Variants in DNER observed in about 807,000 individuals in gnomAD.
DNER encodes delta and Notch-like epidermal growth factor-related receptor.
In DNER, 33 loss-of-function variants were observed where a neutral mutation model predicts 78.2. The observed-to-expected ratio is 0.42, with a 90% CI of 0.32 to 0.56. DNER has a LOEUF of 0.56. Ranked by LOEUF, DNER falls within the 20% of genes least tolerant of loss-of-function variation. DNER has a pLI of 0.11. For synonymous variants in DNER, 417 were observed against 384.8 expected, an observed-to-expected ratio of 1.08 and a Z score of -0.98; for missense variants, 918 against 975.3, an observed-to-expected ratio of 0.94 and a Z score of 0.78.
chr2:229,612,243 C>T (rs1009154074), intron 1 of DNER, among the ~76,000 whole-genome samples: 7 of 152,126 alleles, frequency 4.6e-5, no homozygotes, highest in Admixed American at 1.3e-4. Flanking sequence ...AAACTCTGAT[C>T]GGTGGAATTG....
chr2:229,563,649 C>A (rs548666442), intron 4 of DNER, among the ~76,000 whole-genome samples: 2 of 149,058 alleles, frequency 1.3e-5, no homozygotes, highest in Non-Finnish European at 3.0e-5. Flanking sequence ...TCAACATCAT[C>A]ATCACCCCAT....
intron 6 of DNER, among the ~76,000 whole-genome samples, chr2:229,510,309 C>A (rs1032439794): frequency 6.6e-6 from 1 of 152,162 alleles, no homozygotes; most frequent in Non-Finnish European, 1.5e-5. Flanking sequence ...AATCTCACTG[C>A]GAAGGGATGC....
At chr2:229,471,922 G>A (rs1040837888) in intron 7 of DNER, among the ~76,000 whole-genome samples, 4 of 152,280 alleles carry the variant, frequency 2.6e-5, no homozygotes, top group African/African-American at 7.2e-5. Context: ...CTACAGCCTC[G>A]TCACGGGGCC....
chr2:229,630,718 G>T (rs1340080407), intron 1 of DNER, among the ~76,000 whole-genome samples: 2 of 151,982 alleles, frequency 1.3e-5, no homozygotes, highest in Admixed American at 1.3e-4. Context: ...GAGGTTTGGG[G>T]TATGATTGAT....
chr2:229,495,038 T>C (rs1183299513), intron 6 of DNER, among the ~76,000 whole-genome samples: 1 of 152,216 alleles, frequency 6.6e-6, no homozygotes, highest in Non-Finnish European at 1.5e-5. Context: ...AACTTTCTCA[T>C]TTTTTTGCAA....
At chr2:229,608,599 T>A (rs1270208028) in intron 1 of DNER, among the ~76,000 whole-genome samples, 1 of 152,058 alleles carries the variant, frequency 6.6e-6, no homozygotes, top group Non-Finnish European at 1.5e-5. Flanking sequence ...AAAAAGCAAG[T>A]TGTGAAAGGA....
intron 5 of DNER, among the ~76,000 whole-genome samples, chr2:229,536,778 A>G (rs1467640950): frequency 2.0e-5 from 3 of 152,214 alleles, no homozygotes; most frequent in African/African-American, 7.2e-5. Flanking sequence ...TCCTCTTTGT[A>G]AAGACTTAAA....
At chr2:229,444,425 C>T (rs1359715910) in intron 8 of DNER, among the ~76,000 whole-genome samples, 1 of 152,138 alleles carries the variant, frequency 6.6e-6, no homozygotes, top group Non-Finnish European at 1.5e-5. Flanking sequence ...TAGAGAGGTC[C>T]TTTCTACCAC....
intron 6 of DNER, among the ~76,000 whole-genome samples, chr2:229,508,204 T>G (rs1369664855): frequency 6.6e-6 from 1 of 152,230 alleles, no homozygotes; most frequent in Non-Finnish European, 1.5e-5. Context: ...ACAAACTCAC[T>G]TGTATACTGC....
At chr2:229,697,443 CT>C (rs1174023597) in intron 1 of DNER, among the ~76,000 whole-genome samples, 1 of 152,106 alleles carries the variant, frequency 6.6e-6, no homozygotes, top group Non-Finnish European at 1.5e-5. Flanking sequence ...CAAAATGCCA[CT>C]AAAAGGTTCC....
At chr2:229,564,852 A>C (rs1036981330) in intron 4 of DNER, among the ~76,000 whole-genome samples, 1 of 152,198 alleles carries the variant, frequency 6.6e-6, no homozygotes, top group African/African-American at 2.4e-5. Flanking sequence ...AACAAAGGAA[A>C]TTTATTGCTC....
At chr2:229,515,400 A>G (rs1052398134) in intron 5 of DNER, among the ~76,000 whole-genome samples, 1 of 152,224 alleles carries the variant, frequency 6.6e-6, no homozygotes, top group African/African-American at 2.4e-5. Context: ...CGCCCAGTGC[A>G]TACAATCCCA....
At chr2:229,519,899 G>C (rs371834159) in intron 5 of DNER, among the ~76,000 whole-genome samples, 2 of 152,268 alleles carry the variant, frequency 1.3e-5, no homozygotes, top group South Asian at 2.1e-4. Context: ...CCTTTGGTTC[G>C]CTGATTCTAA....
chr2:229,412,914 T>C lies in DNER; in HGVS notation c.1609+5194A>G, dbSNP rs191376724. Reference sequence around the variant, plus strand: ...CCATGAATTTTCCTGAAACCTCTTTTAGTGGAATGATGTGGACAAGGGCCA... The same window carrying C: ...CCATGAATTTTCCTGAAACCTCTTTCAGTGGAATGATGTGGACAAGGGCCA... On this transcript the variant is annotated intron_variant, in intron 9 of 12. Transcript: ENST00000341772. 1.6e-3 allele frequency among the ~76,000 whole-genome samples: 241 copies of C among 152,226 alleles called. 1 individual carries two copies. Among genetic ancestry groups the C allele is most frequent in the Non-Finnish European group, 2.7e-3 (182 of 68,018 alleles).
At chr2:229,607,374 C>T (rs1697959263) in intron 1 of DNER, among the ~76,000 whole-genome samples, 1 of 150,596 alleles carries the variant, frequency 6.6e-6, no homozygotes, top group Non-Finnish European at 1.5e-5. Flanking sequence ...CCCTGTGAGG[C>T]AGTTACTGTT....
intron 1 of DNER, among the ~76,000 whole-genome samples, chr2:229,646,922 A>C (rs1313373665): frequency 6.6e-6 from 1 of 152,198 alleles, no homozygotes; most frequent in East Asian, 1.9e-4. Context: ...TAATCCCAGC[A>C]CTTTGGGAGG....
At chr2:229,570,516 ACGTGGG>A (rs1697197151) in intron 4 of DNER, among the ~76,000 whole-genome samples, 1 of 152,018 alleles carries the variant, frequency 6.6e-6, no homozygotes, top group Non-Finnish European at 1.5e-5. Context: ...AATCCCAGCT[ACGTGGG>A]AGGCTGAGGC....
chr2:229,668,519 T>TATATACTTACCTATATATAG (rs1326091504), intron 1 of DNER, among the ~76,000 whole-genome samples: 29 of 50,188 alleles, frequency 5.8e-4, no homozygotes, highest in South Asian at 1.6e-3. Flanking sequence ...GGTAAGTATG[T>TATATACTTACCTATATATAG]GTGTGTGTGT....
At chr2:229,524,025 A>C (rs1269817422) in intron 5 of DNER, among the ~76,000 whole-genome samples, 3 of 152,234 alleles carry the variant, frequency 2.0e-5, no homozygotes, top group Non-Finnish European at 2.9e-5. Flanking sequence ...GCTACCTCTG[A>C]GGTGGCTGTT....
Sources: gnomAD v4.1 joint callset for allele counts (sites outside exome capture counted in the v4.1 genomes callset) on GRCh38, gnomAD v4.1.1 for gene constraint, MANE v1.5 for transcripts, NCBI Gene and HGNC (gene_info 2026-07-23, HGNC 2026-07-21) for gene names.